Variants in LRRC20 observed in about 807,000 individuals in gnomAD.
LRRC20 encodes the protein leucine rich repeat containing 20.
In LRRC20, 11 loss-of-function variants were observed where a neutral mutation model predicts 14.4. That is an observed-to-expected ratio of 0.77 (90% CI 0.48 to 1.27). LRRC20 has a LOEUF of 1.27. Ranked by LOEUF, LRRC20 falls within the 50% of genes most tolerant of loss-of-function variation. The pLI is 0.00. For missense variants in LRRC20, 219 were observed against 251.2 expected (o/e 0.87, Z 0.87); for synonymous variants, 121 against 107.3 (o/e 1.13, Z -0.79).
chr10:70,302,760 G>A (rs995899224), intron 4 of LRRC20, among the ~76,000 whole-genome samples: 2 of 151,264 alleles, frequency 1.3e-5, no homozygotes, highest in Non-Finnish European at 2.9e-5. Flanking sequence ...GCCCAGGCTG[G>A]AGTGCAGTGG....
chr10:70,359,877 G>A (rs941467385), intron 2 of LRRC20, among the ~76,000 whole-genome samples: 1 of 151,272 alleles, frequency 6.6e-6, no homozygotes, highest in African/African-American at 2.4e-5. Context: ...AATTGCTCCT[G>A]CCCTTGAACC....
chr10:70,313,528 G>GCTGA (rs777316223), intron 4 of LRRC20, among the ~76,000 whole-genome samples: 93 of 152,298 alleles, frequency 6.1e-4, no homozygotes, highest in Non-Finnish European at 1.2e-3. Context: ...ATCTGACATA[G>GCTGA]CTGACTCCAT....
intron 2 of LRRC20, among the ~76,000 whole-genome samples, chr10:70,373,641 C>T (rs116131505): frequency 0.014 from 2,114 of 152,298 alleles, 44 homozygotes; most frequent in African/African-American, 0.048. Flanking sequence ...ACTTTAAGAC[C>T]CAGTCCCCTC....
intron 3 of LRRC20, among the ~76,000 whole-genome samples, chr10:70,325,530 G>A (rs1437815423): frequency 1.3e-5 from 2 of 152,178 alleles, no homozygotes; most frequent in Admixed American, 6.5e-5. Flanking sequence ...TAGCAGGAGT[G>A]AGCCTCTTAC....
At chr10:70,304,470 T>TTATCTATATCTATATATATATA (rs1293891046) in intron 4 of LRRC20, among the ~76,000 whole-genome samples, 2 of 113,826 alleles carry the variant, frequency 1.8e-5, no homozygotes, top group African/African-American at 6.0e-5. Context: ...GGCCACTTCT[T>TTATCTATATCTATATATATATA]TATATATATA....
intron 4 of LRRC20, among the ~76,000 whole-genome samples, chr10:70,321,297 G>A (rs1842067431): frequency 6.6e-6 from 1 of 152,220 alleles, no homozygotes; most frequent in Admixed American, 6.5e-5. Flanking sequence ...CATAATGGAA[G>A]ACTGTGCAGC....
intron 4 of LRRC20, among the ~76,000 whole-genome samples, chr10:70,301,817 T>A (rs560441790): frequency 6.6e-6 from 1 of 152,316 alleles, no homozygotes; most frequent in Admixed American, 6.5e-5. Flanking sequence ...AAAACAGGCA[T>A]TCAAACAAAT....
At chr10:70,333,794 A>G (rs367738209) in intron 3 of LRRC20, among the ~76,000 whole-genome samples, 1 of 152,196 alleles carries the variant, frequency 6.6e-6, no homozygotes, top group East Asian at 1.9e-4. Flanking sequence ...TGCATAACTC[A>G]GGGGAGATGG....
intron 2 of LRRC20, among the ~76,000 whole-genome samples, chr10:70,374,349 G>GC (rs1485348180): frequency 1.1e-5 from 1 of 91,522 alleles, no homozygotes; most frequent in African/African-American, 4.4e-5. Flanking sequence ...CCCCTGTGAA[G>GC]CCTTTTTTTT....
intron 2 of LRRC20, among the ~76,000 whole-genome samples, chr10:70,370,186 T>A (rs1247853172): frequency 2.0e-5 from 3 of 152,228 alleles, no homozygotes; most frequent in Non-Finnish European, 4.4e-5. Context: ...AGGATTTGAA[T>A]ATTCACAGCC....
At chr10:70,318,310 C>T (rs1054733191) in intron 4 of LRRC20, among the ~76,000 whole-genome samples, 11 of 152,202 alleles carry the variant, frequency 7.2e-5, no homozygotes, top group African/African-American at 2.7e-4. Flanking sequence ...ATGTGCATTT[C>T]TAACCCGTTC....
At chr10:70,375,568 A>G (rs1328023837) in intron 2 of LRRC20, among the ~76,000 whole-genome samples, 1 of 152,140 alleles carries the variant, frequency 6.6e-6, no homozygotes, top group Non-Finnish European at 1.5e-5. Flanking sequence ...TGAGACAGAC[A>G]GACAGACACA....
chr10:70,348,574 G>C (rs532990562), intron 2 of LRRC20, among the ~76,000 whole-genome samples: 1 of 152,190 alleles, frequency 6.6e-6, no homozygotes, highest in Non-Finnish European at 1.5e-5. Context: ...AAGTGAGGAC[G>C]GGGAGATTTG....
At chr10:70,334,577 T>G (rs1210330125) in intron 3 of LRRC20, among the ~76,000 whole-genome samples, 2 of 151,786 alleles carry the variant, frequency 1.3e-5, no homozygotes, top group Non-Finnish European at 2.9e-5. Context: ...CGCCTAAGAC[T>G]CCTGACCACA....
In LRRC20 at chr10:70,355,299, T is replaced by A. The variant is rs188375052; in HGVS notation, c.83-14597A>T. On this transcript the variant is annotated intron_variant, in intron 2 of 4. Coordinates refer to ENST00000446961, the MANE Select transcript of LRRC20 (RefSeq NM_001278212.2). ...TAAGACAAAAAGCAGCCGGACTTGC[T>A]CCCTCTTGACAAATCCCCTCCCCCA... Among the ~76,000 whole-genome samples, 40 of 152,288 alleles carry A rather than the reference T, an allele frequency of 2.6e-4. No individual in the cohort carries two copies. In the East Asian group the frequency reaches 7.3e-3, roughly 28 times the overall value.
chr10:70,360,363 TTCCTCC>T (rs372690258), intron 2 of LRRC20, among the ~76,000 whole-genome samples: 10 of 149,776 alleles, frequency 6.7e-5, no homozygotes, highest in Admixed American at 2.0e-4. Flanking sequence ...CCTCATTGCT[TTCCTCC>T]TCCTCCTCCT....
chr10:70,307,784 T>G (rs1226493293), intron 4 of LRRC20, among the ~76,000 whole-genome samples: 1 of 152,260 alleles, frequency 6.6e-6, no homozygotes, highest in Non-Finnish European at 1.5e-5. Flanking sequence ...GCAGGATCCC[T>G]GCACCTGAGC....
At chr10:70,365,757 C>A (rs551834053) in intron 2 of LRRC20, among the ~76,000 whole-genome samples, 1 of 151,794 alleles carries the variant, frequency 6.6e-6, no homozygotes, top group Admixed American at 6.6e-5. Flanking sequence ...GCAAAAGATT[C>A]GAATAGAGAT....
Position 70,340,589 on chromosome 10 carries a change from T to C in LRRC20, c.196A>G (p.Thr66Ala). ...TLANNELKSL[T>A]SKFMTTFSQL... ...CTGAATGTGGTCATGAACTTGCTGG[T>C]GAGGGACTTAAGCTCGTTGTTAGCC... Residue 66 changes from threonine to alanine, a missense_variant, in exon 3 of 5, where the codon ACC (threonine) becomes GCC (alanine). Transcript: ENST00000446961. The C allele has an allele frequency of 6.2e-7, 1 of 1,614,180 alleles. No homozygotes were observed. The highest frequency in any genetic ancestry group is 2.2e-5 in the East Asian group (1 of 44,888).
Sources: allele counts gnomAD v4.1 joint callset (sites outside exome capture counted in the v4.1 genomes callset), GRCh38; gene constraint gnomAD v4.1.1; transcripts MANE v1.5; gene names NCBI Gene and HGNC (gene_info 2026-07-23, HGNC 2026-07-21).